CBLB: variants seen among roughly 807,000 people sequenced by gnomAD.
CBLB encodes E3 ubiquitin-protein ligase CBL-B.
In CBLB, 31 loss-of-function variants were observed where a neutral mutation model predicts 104.9. That is an observed-to-expected ratio of 0.30 (90% CI 0.22 to 0.40). CBLB has a LOEUF of 0.40. Among genes scored for constraint, CBLB ranks in the 10% least tolerant of loss-of-function variants. CBLB has a pLI of 1.00. For missense variants in CBLB, 1,062 were observed against 1,214.6 expected, an observed-to-expected ratio of 0.87 and a Z score of 1.87; for synonymous variants, 440 against 422.6, an observed-to-expected ratio of 1.04 and a Z score of -0.51.
intron 8 of CBLB, among the ~76,000 whole-genome samples, chr3:105,734,375 T>C (rs2074670677): frequency 6.6e-6 from 1 of 152,226 alleles, no homozygotes; most frequent in Non-Finnish European, 1.5e-5. Context: ...TAATGATTCA[T>C]ATTATTTAAG....
At chr3:105,864,610 A>C (rs2092317702) in intron 2 of CBLB, among the ~76,000 whole-genome samples, 1 of 152,180 alleles carries the variant, frequency 6.6e-6, no homozygotes, top group African/African-American at 2.4e-5. Flanking sequence ...AACATAGACT[A>C]TGCTAACTCT....
intron 2 of CBLB, among the ~76,000 whole-genome samples, chr3:105,857,210 T>C (rs2091704851): frequency 6.6e-6 from 1 of 152,206 alleles, no homozygotes; most frequent in African/African-American, 2.4e-5. Context: ...AACGTTTATG[T>C]TTTACAAATA....
chr3:105,709,769 T>C (rs893944235), intron 10 of CBLB, among the ~76,000 whole-genome samples: 12 of 152,046 alleles, frequency 7.9e-5, no homozygotes, highest in African/African-American at 2.9e-4. Flanking sequence ...GAGCACAAGA[T>C]ACTAGACATG....
In CBLB at chr3:105,655,657, T is replaced by C. The variant is rs2063292255; in HGVS notation, c.*3313A>G. The C allele has an allele frequency of 5.1e-6, 1 of 195,410 alleles. No individual in the cohort carries two copies. Among genetic ancestry groups the C allele is most frequent in the African/African-American group, 2.3e-5 (1 of 43,288 alleles). The allele number at this position is 195,410 out of a possible 1,614,324, so 12.1% of individuals were successfully genotyped here. On this transcript the variant is annotated 3_prime_UTR_variant, in exon 19 of 19. Transcript: ENST00000394030. ...TAATTGGGGAAAAAACCCTTCACTC[T>C]ATTGGTGTCTTTGTCTGGAAAACTT...
At chr3:105,685,017 T>A (rs530844600) in intron 14 of CBLB, among the ~76,000 whole-genome samples, 58 of 152,302 alleles carry the variant, frequency 3.8e-4, no homozygotes, top group Admixed American at 3.8e-3. Flanking sequence ...TATACTAGTA[T>A]GTACATCATG....
intron 3 of CBLB, chr3:105,839,506 A>T (rs1182776151): frequency 6.6e-6 from 1 of 152,254 alleles, no homozygotes; most frequent in Non-Finnish European, 1.5e-5. Flanking sequence ...AGCGACAAAA[A>T]GAAAAAAGTA....
intron 4 of CBLB, among the ~76,000 whole-genome samples, chr3:105,766,428 C>A (rs78234091): frequency 6.6e-6 from 1 of 152,256 alleles, no homozygotes; most frequent in East Asian, 1.9e-4. Context: ...AACAGCATTG[C>A]ATGTTATAGA....
chr3:105,839,368 A>G (rs2153092720), intron 3 of CBLB: 1 of 152,354 alleles, frequency 6.6e-6, no homozygotes, highest in East Asian at 1.9e-4. Context: ...ATATTGAGAC[A>G]AGATAGGAAA....
At chr3:105,853,067 T>C (rs996884041) in intron 3 of CBLB, among the ~76,000 whole-genome samples, 2 of 152,146 alleles carry the variant, frequency 1.3e-5, no homozygotes, top group Non-Finnish European at 2.9e-5. Context: ...TATATTTAGA[T>C]ACACACATAC....
At chr3:105,868,300 GGCTCCTC>G (rs1706449692) in intron 1 of CBLB, 1 of 1,020,702 alleles carries the variant, frequency 9.8e-7, no homozygotes, top group Non-Finnish European at 1.3e-6. Flanking sequence ...TCACTTCTCT[GGCTCCTC>G]GCCTCTGCCC....
At chr3:105,693,439 A>AAGT in intron 13 of CBLB, 55 bp downstream of exon 13, 1 of 697,820 alleles carries the variant, frequency 1.4e-6, no homozygotes, top group Non-Finnish European at 2.0e-6. Context: ...TCTCAAAACC[A>AAGT]CTCTACCATA....
At chr3:105,763,576 G>C (rs1000620360) in intron 4 of CBLB, among the ~76,000 whole-genome samples, 1 of 152,170 alleles carries the variant, frequency 6.6e-6, no homozygotes, top group Admixed American at 6.5e-5. Context: ...ACGATTGTGA[G>C]GTCTCCCTAG....
chr3:105,816,940 A>G (rs2085146574), intron 3 of CBLB, among the ~76,000 whole-genome samples: 1 of 152,212 alleles, frequency 6.6e-6, no homozygotes, highest in South Asian at 2.1e-4. Context: ...GCATGCTATT[A>G]AAAGTGAAGA....
intron 3 of CBLB, among the ~76,000 whole-genome samples, chr3:105,797,848 G>T (rs1293866911): frequency 1.3e-5 from 2 of 152,110 alleles, no homozygotes; most frequent in Non-Finnish European, 2.9e-5. Context: ...CCCTTATTCT[G>T]CCCATCAAAG....
intron 3 of CBLB, among the ~76,000 whole-genome samples, chr3:105,779,426 T>C (rs2079876503): frequency 6.6e-6 from 1 of 152,164 alleles, no homozygotes; most frequent in African/African-American, 2.4e-5. Context: ...AATAAGGCAA[T>C]GAAAAAATAC....
Position 105,829,666 on chromosome 3 carries a change from CAAAAAAAAAAAAAAAAA to C in CBLB, c.419+23731_419+23747del, listed in dbSNP as rs71627689. Among the ~76,000 whole-genome samples, 179 of 47,028 alleles carry C rather than the reference CAAAAAAAAAAAAAAAAA, an allele frequency of 3.8e-3. 3 individuals carry two copies. The highest frequency in any genetic ancestry group is 0.013 in the African/African-American group (166 of 13,124). 30.9% of individuals were successfully genotyped at this position (47,028 alleles called of 152,430 possible). ...CCAGAGCGACACAGCAAGACCGTCC[CAAAAAAAAAAAAAAAAA>C]AAAAAAAAAAAAAAAAAACCAAACT... On this transcript the variant is annotated intron_variant, in intron 3 of 18. Coordinates refer to ENST00000394030, the MANE Select transcript of CBLB (RefSeq NM_170662.5).
chr3:105,770,798 T>C (rs541016811), intron 4 of CBLB, among the ~76,000 whole-genome samples: 1 of 152,284 alleles, frequency 6.6e-6, no homozygotes, highest in East Asian at 1.9e-4. Flanking sequence ...CAAGCATTGT[T>C]AGCAGAGCAC....
chr3:105,750,213 T>C (rs930697712), intron 5 of CBLB, among the ~76,000 whole-genome samples: 1 of 151,626 alleles, frequency 6.6e-6, no homozygotes, highest in African/African-American at 2.4e-5. Context: ...AGAGGCGGGG[T>C]TTCACATCCT....
At chr3:105,723,315 A>C (rs2152833709) in intron 9 of CBLB, among the ~76,000 whole-genome samples, 1 of 152,338 alleles carries the variant, frequency 6.6e-6, no homozygotes, top group Non-Finnish European at 1.5e-5. Context: ...AAGACCAATA[A>C]ATAACTCATT....
Sources: allele counts gnomAD v4.1 joint callset (sites outside exome capture counted in the v4.1 genomes callset), GRCh38; gene constraint gnomAD v4.1.1; transcripts MANE v1.5; gene names NCBI Gene and HGNC (gene_info 2026-07-23, HGNC 2026-07-21).